LRRC7: variants seen among roughly 807,000 people sequenced by gnomAD.
The protein encoded by LRRC7 is leucine-rich repeat-containing protein 7.
A neutral mutation model predicts 175.7 loss-of-function variants in LRRC7; 23 were observed. The observed-to-expected ratio is 0.13, with a 90% confidence interval of 0.09 to 0.19. The LOEUF (loss-of-function observed/expected upper bound fraction) is 0.19, where lower values mean the gene tolerates loss of function less well. Among genes scored for constraint, LRRC7 ranks in the 10% least tolerant of loss-of-function variants. The pLI is 1.00. For synonymous variants in LRRC7, 685 were observed against 680.9 expected, an observed-to-expected ratio of 1.01 and a Z score of -0.09; for missense variants, 1,354 against 1,904.7, an observed-to-expected ratio of 0.71 and a Z score of 5.38.
chr1:69,587,776 A>ATC (rs745805815), intron 1 of LRRC7, among the ~76,000 whole-genome samples: 4 of 151,950 alleles, frequency 2.6e-5, no homozygotes, highest in Non-Finnish European at 4.4e-5. Flanking sequence ...CCCTATTATT[A>ATC]TCTCTCTCTC....
intron 6 of LRRC7, among the ~76,000 whole-genome samples, chr1:69,835,919 T>A (rs1237643478): frequency 6.6e-6 from 1 of 152,062 alleles, no homozygotes; most frequent in Non-Finnish European, 1.5e-5. Flanking sequence ...ATCTTAGAAG[T>A]AAAATTATGA....
At chr1:69,740,349 T>A (rs887179993) in intron 2 of LRRC7, among the ~76,000 whole-genome samples, 3 of 152,080 alleles carry the variant, frequency 2.0e-5, no homozygotes, top group African/African-American at 7.2e-5. Context: ...ACATCCCTAG[T>A]GTTCCTTCTT....
At chr1:69,818,493 G>T (rs1434175403) in intron 4 of LRRC7, among the ~76,000 whole-genome samples, 2 of 152,010 alleles carry the variant, frequency 1.3e-5, no homozygotes, top group Non-Finnish European at 2.9e-5. Context: ...TCCTTTTAGT[G>T]TGCTGTTGTA....
chr1:69,743,638 G>A (rs1668952427), intron 2 of LRRC7, among the ~76,000 whole-genome samples: 2 of 152,006 alleles, frequency 1.3e-5, no homozygotes, highest in African/African-American at 4.8e-5. Flanking sequence ...ATATAGAGTA[G>A]ATGATGCTTC....
intron 23 of LRRC7, among the ~76,000 whole-genome samples, chr1:70,055,737 T>C (rs1440449257): frequency 1.3e-5 from 2 of 151,990 alleles, no homozygotes; most frequent in African/African-American, 2.4e-5. Context: ...AAGAACCCCA[T>C]CACAAGAACA....
intron 3 of LRRC7, among the ~76,000 whole-genome samples, chr1:69,785,817 A>C (rs1397436809): frequency 1.3e-5 from 2 of 152,150 alleles, no homozygotes; most frequent in East Asian, 3.8e-4. Context: ...TCCGAATATG[A>C]GTGCCTTCCA....
chr1:69,795,009 T>A (rs1327722726), intron 4 of LRRC7, among the ~76,000 whole-genome samples: 1 of 152,222 alleles, frequency 6.6e-6, no homozygotes, highest in East Asian at 1.9e-4. Context: ...TTGATGAGTA[T>A]AATGATAGCA....
At chr1:69,596,173 T>C (rs1646837487) in intron 1 of LRRC7, among the ~76,000 whole-genome samples, 1 of 152,122 alleles carries the variant, frequency 6.6e-6, no homozygotes, top group Non-Finnish European at 1.5e-5. Context: ...CCAGCGTTAT[T>C]CTAACCAGTT....
intron 2 of LRRC7, among the ~76,000 whole-genome samples, chr1:69,717,046 C>T (rs140364789): frequency 1.8e-4 from 27 of 150,892 alleles, no homozygotes; most frequent in Admixed American, 4.0e-4. Context: ...ACTGATTTTA[C>T]ATATATATCT....
intron 17 of LRRC7, among the ~76,000 whole-genome samples, chr1:70,026,457 A>C (rs1164162799): frequency 1.3e-5 from 2 of 152,144 alleles, no homozygotes; most frequent in Non-Finnish European, 2.9e-5. Flanking sequence ...ATACCAACTT[A>C]AACAACAGAT....
At chr1:69,599,610 T>G (rs1057119176) in intron 1 of LRRC7, among the ~76,000 whole-genome samples, 2 of 152,194 alleles carry the variant, frequency 1.3e-5, no homozygotes, top group Admixed American at 6.5e-5. Context: ...AAGTGAAAAC[T>G]AATAGAAGTT....
At position 69,939,049 on chromosome 1, in the gene LRRC7, A is replaced by G. The variant is rs561905474; in HGVS notation, c.711+7479A>G. ...TATATATCTATATATATCTATATCT[A>G]TCTCACAGACATTGCCAGAAGTTAT... On this transcript the variant is annotated intron_variant, in intron 8 of 26. Transcript: ENST00000651989. Among the ~76,000 whole-genome samples, 266 of 124,934 alleles carry G rather than the reference A, an allele frequency of 2.1e-3. 10 individuals are homozygous for G. Among genetic ancestry groups the G allele is most frequent in the Non-Finnish European group, 3.7e-3 (218 of 58,606 alleles). The allele number at this position is 124,934 out of a possible 152,430, so 82.0% of individuals were successfully genotyped here. A position where few individuals can be genotyped will look rare whatever the true frequency, so the allele number is the denominator to read the frequency against.
chr1:69,683,857 T>C (rs1660795267), intron 2 of LRRC7, among the ~76,000 whole-genome samples: 1 of 149,286 alleles, frequency 6.7e-6, no homozygotes, highest in African/African-American at 2.4e-5. Flanking sequence ...AATTTACATG[T>C]AAAAATATCA....
At chr1:70,035,852 TC>T (rs1659261645) in intron 18 of LRRC7, among the ~76,000 whole-genome samples, 1 of 152,096 alleles carries the variant, frequency 6.6e-6, no homozygotes, top group Non-Finnish European at 1.5e-5. Context: ...ATTTTGTCTT[TC>T]TTTGGAACCT....
rs1304030 is a variant in LRRC7 at position 69,690,825 on chromosome 1, T to C, written c.100+12347T>C. On this transcript the variant is annotated intron_variant, in intron 2 of 26. Coordinates refer to ENST00000651989, the MANE Select transcript of LRRC7 (RefSeq NM_001370785.2). ...TGGGCTGGGCTTTTTAAGGGAATCA[T>C]AGAGGGTAAGGGCCTGGAAAATTGG... 9.5e-3 allele frequency among the ~76,000 whole-genome samples: 1,449 copies of C among 152,234 alleles called. 23 individuals are homozygous for C. Among genetic ancestry groups the C allele is most frequent in the African/African-American group, 0.033 (1,387 of 41,544 alleles).
At chr1:69,881,288 A>G (rs1686576048) in intron 7 of LRRC7, among the ~76,000 whole-genome samples, 1 of 152,228 alleles carries the variant, frequency 6.6e-6, no homozygotes, top group Non-Finnish European at 1.5e-5. Flanking sequence ...ATATGCAATA[A>G]CAACAAAATT....
intron 7 of LRRC7, among the ~76,000 whole-genome samples, chr1:69,912,526 C>T (rs550073177): frequency 1.1e-4 from 16 of 152,224 alleles, no homozygotes; most frequent in Non-Finnish European, 2.9e-5. Flanking sequence ...CATTCTAGGA[C>T]CTTCAGCTCT....
intron 1 of LRRC7, among the ~76,000 whole-genome samples, chr1:69,603,563 G>T (rs557609252): frequency 3.9e-4 from 59 of 152,196 alleles, no homozygotes; most frequent in African/African-American, 1.4e-3. Flanking sequence ...CATTCTGCTA[G>T]ATCTTTTTTA....
At chr1:69,846,883 A>G (rs1682431442) in intron 7 of LRRC7, among the ~76,000 whole-genome samples, 1 of 152,108 alleles carries the variant, frequency 6.6e-6, no homozygotes, top group African/African-American at 2.4e-5. Flanking sequence ...TATCTTTATC[A>G]TAAATGAAAT....
Sources: gnomAD v4.1 joint callset for allele counts (sites outside exome capture counted in the v4.1 genomes callset) on GRCh38, gnomAD v4.1.1 for gene constraint, MANE v1.5 for transcripts, NCBI Gene and HGNC (gene_info 2026-07-23, HGNC 2026-07-21) for gene names.